LRRC7: variants seen among roughly 807,000 people sequenced by gnomAD.
LRRC7 encodes leucine rich repeat containing 7.
In LRRC7, 23 loss-of-function variants were observed where a neutral mutation model predicts 175.7. That is an observed-to-expected ratio of 0.13 (90% confidence interval 0.09 to 0.19). LRRC7 has a LOEUF of 0.19. LRRC7 is among the 10% of genes least tolerant of loss of function. The pLI is 1.00. For missense variants in LRRC7, 1,354 were observed against 1,904.7 expected (o/e 0.71, Z 5.38); for synonymous variants, 685 against 680.9 (o/e 1.01, Z -0.09).
At chr1:69,664,596 G>C (rs2100547146) in intron 1 of LRRC7, among the ~76,000 whole-genome samples, 1 of 152,186 alleles carries the variant, frequency 6.6e-6, no homozygotes, top group African/African-American at 2.4e-5. Flanking sequence ...TTTGCCTTTT[G>C]TATCTCTTCT....
intron 24 of LRRC7, among the ~76,000 whole-genome samples, chr1:70,083,764 G>A (rs1663398721): frequency 6.6e-6 from 1 of 152,048 alleles, no homozygotes; most frequent in Admixed American, 6.6e-5. Context: ...CTTTTGATAT[G>A]ACCAAACGTC....
At chr1:69,915,298 G>A (rs1221043106) in intron 7 of LRRC7, among the ~76,000 whole-genome samples, 2 of 152,130 alleles carry the variant, frequency 1.3e-5, no homozygotes, top group Admixed American at 6.5e-5. Context: ...TTTCAAGCAG[G>A]CAAATGAGGA....
At chr1:69,722,111 G>C (rs890075334) in intron 2 of LRRC7, among the ~76,000 whole-genome samples, 1 of 150,024 alleles carries the variant, frequency 6.7e-6, no homozygotes, top group Non-Finnish European at 1.5e-5. Flanking sequence ...TCCAGAAATA[G>C]TTTTCACATA....
chr1:69,997,117 C>T (rs1170655458), intron 11 of LRRC7, among the ~76,000 whole-genome samples: 2 of 152,090 alleles, frequency 1.3e-5, no homozygotes, highest in Non-Finnish European at 2.9e-5. Context: ...TCCTTCACAT[C>T]CCTTGTGAGT....
In LRRC7 at chr1:69,825,840, A is replaced by C; in HGVS notation, c.500+14A>C. Reference sequence around the variant, plus strand: ...TCCCATTTCTAAGTGAGTATGAGTGATTAAATTTTATTTGTATTTATATTT... The same window carrying C: ...TCCCATTTCTAAGTGAGTATGAGTGCTTAAATTTTATTTGTATTTATATTT... On this transcript the variant is annotated intron_variant, in intron 5 of 26. Transcript: ENST00000651989. The C allele has an allele frequency of 6.8e-7, 1 of 1,480,044 alleles. No homozygotes were observed. The highest frequency in any genetic ancestry group is 9.3e-7 in the Non-Finnish European group (1 of 1,074,168). The allele number at this position is 1,480,044 out of a possible 1,614,324, so 91.7% of individuals were successfully genotyped here. A position where few individuals can be genotyped will look rare whatever the true frequency, so the allele number is the denominator to read the frequency against.
chr1:69,583,397 T>C, intron 1 of LRRC7, among the ~76,000 whole-genome samples: 1 of 152,148 alleles, frequency 6.6e-6, no homozygotes, highest in East Asian at 1.9e-4. Context: ...TTTATGTTGC[T>C]ACTTCCTTAG....
intron 1 of LRRC7, among the ~76,000 whole-genome samples, chr1:69,660,477 G>A (rs59785157): frequency 0.022 from 3,324 of 152,130 alleles, 123 homozygotes; most frequent in African/African-American, 0.076. Context: ...GATAAAAGCC[G>A]ATGTTAGATG....
chr1:69,717,853 G>A (rs993185761), intron 2 of LRRC7, among the ~76,000 whole-genome samples: 1,103 of 15,424 alleles, frequency 0.072, 137 homozygotes, highest in African/African-American at 0.16. Flanking sequence ...AAGAAAGAAA[G>A]GAAAGAAAGA....
chr1:69,631,641 A>C (rs1652519976), intron 1 of LRRC7, among the ~76,000 whole-genome samples: 1 of 152,118 alleles, frequency 6.6e-6, no homozygotes, highest in Non-Finnish European at 1.5e-5. Context: ...GCCAAAAAGT[A>C]AAGAGAAAAT....
At position 69,868,117 on chromosome 1, in the gene LRRC7, G is replaced by A. The variant is rs147309318; in HGVS notation, c.647+29834G>A. 9.6e-4 allele frequency among the ~76,000 whole-genome samples: 146 copies of A among 152,144 alleles called. 1 individual carries two copies. In the East Asian group the frequency reaches 0.014, roughly 14 times the overall value. ...TAGAAGTATAATTAGATTTATTGAA[G>A]TAAGCCAACATGGTGGACTATATTA... On this transcript the variant is annotated intron_variant, in intron 7 of 26. Transcript: ENST00000651989.
chr1:69,610,542 A>G (rs1272666607), intron 1 of LRRC7, among the ~76,000 whole-genome samples: 2 of 151,910 alleles, frequency 1.3e-5, no homozygotes, highest in Non-Finnish European at 2.9e-5. Flanking sequence ...AAACATGCTT[A>G]TTGGCCTTTA....
chr1:69,754,248 G>C (rs11580359), intron 2 of LRRC7, among the ~76,000 whole-genome samples: 1 of 152,184 alleles, frequency 6.6e-6, no homozygotes, highest in African/African-American at 2.4e-5. Context: ...AGGTCATCTA[G>C]CTACACTGTG....
At chr1:69,917,283 G>C (rs1415429009) in intron 7 of LRRC7, among the ~76,000 whole-genome samples, 1 of 152,154 alleles carries the variant, frequency 6.6e-6, no homozygotes, top group East Asian at 1.9e-4. Context: ...ACCTACAGTA[G>C]AGATCATATC....
chr1:69,808,678 C>T (rs1291695714), intron 4 of LRRC7, among the ~76,000 whole-genome samples: 1 of 151,822 alleles, frequency 6.6e-6, no homozygotes, highest in Non-Finnish European at 1.5e-5. Context: ...TAAATAATGA[C>T]ATTAATGCAG....
chr1:69,998,617 G>C (rs890145427), intron 11 of LRRC7, among the ~76,000 whole-genome samples: 1 of 152,050 alleles, frequency 6.6e-6, no homozygotes, highest in Non-Finnish European at 1.5e-5. Flanking sequence ...CGGGGAAACT[G>C]AATTCAACTT....
intron 1 of LRRC7, among the ~76,000 whole-genome samples, chr1:69,665,763 C>A (rs1658174566): frequency 6.6e-6 from 1 of 151,954 alleles, no homozygotes; most frequent in Non-Finnish European, 1.5e-5. Flanking sequence ...ATCATGTCAT[C>A]TGGAAACAAG....
At chr1:69,968,315 G>A (rs775075220) in intron 8 of LRRC7, among the ~76,000 whole-genome samples, 2 of 152,084 alleles carry the variant, frequency 1.3e-5, no homozygotes, top group African/African-American at 2.4e-5. Flanking sequence ...TATGTTAAAC[G>A]ACCAAACCTA....
At chr1:69,805,964 C>T (rs1308483392) in intron 4 of LRRC7, among the ~76,000 whole-genome samples, 1 of 151,792 alleles carries the variant, frequency 6.6e-6, no homozygotes, top group East Asian at 1.9e-4. Context: ...CCTAGAGTTG[C>T]AGCAGAGCTA....
chr1:69,797,307 G>A (rs558957868), intron 4 of LRRC7, among the ~76,000 whole-genome samples: 8 of 152,222 alleles, frequency 5.3e-5, no homozygotes, highest in African/African-American at 1.7e-4. Flanking sequence ...TTAGAATAAT[G>A]ACTACCTCAT....
Sources: allele counts gnomAD v4.1 joint callset (sites outside exome capture counted in the v4.1 genomes callset), GRCh38; gene constraint gnomAD v4.1.1; transcripts MANE v1.5; gene names NCBI Gene and HGNC (gene_info 2026-07-23, HGNC 2026-07-21).